The following CAMK2G variants were observed in gnomAD, a reference collection of about 807,000 sequenced individuals.
CAMK2G encodes the protein calcium/calmodulin dependent protein kinase II gamma.
CAMK2G carries 23 observed loss-of-function variants against 88.7 expected under a neutral mutation model. That is an observed-to-expected ratio of 0.26 (90% CI 0.19 to 0.37). The LOEUF (loss-of-function observed/expected upper bound fraction) is 0.37, where lower values mean the gene tolerates loss of function less well. Among genes scored for constraint, CAMK2G ranks in the 10% least tolerant of loss-of-function variants. The probability of loss-of-function intolerance (pLI) is 1.00; values close to 1 mark genes in which losing one functional copy is unlikely to be tolerated. For missense variants in CAMK2G, 476 were observed against 780.8 expected, an observed-to-expected ratio of 0.61 and a Z score of 4.65; for synonymous variants, 263 against 294.8, an observed-to-expected ratio of 0.89 and a Z score of 1.11.
At chr10:73,834,779 G>A (rs2093001266) in intron 14 of CAMK2G, among the ~76,000 whole-genome samples, 1 of 152,092 alleles carries the variant, frequency 6.6e-6, no homozygotes, top group South Asian at 2.1e-4. Context: ...TGGCTCCTTG[G>A]GCTAATCTTA....
At chr10:73,829,519 C>T (rs549513745) in intron 14 of CAMK2G, among the ~76,000 whole-genome samples, 7 of 151,994 alleles carry the variant, frequency 4.6e-5, no homozygotes, top group African/African-American at 1.7e-4. Context: ...AGGCTGGTCT[C>T]GAATTCCTGA....
chr10:73,848,928 G>A lies in CAMK2G; in HGVS notation c.517+85C>T, dbSNP rs531891055. On this transcript the variant is annotated intron_variant, in intron 7 of 22. Coordinates refer to ENST00000423381, the MANE Select transcript of CAMK2G (RefSeq NM_001367534.1). This position sits in a 1 kb window ranked among gnomAD's most constrained non-coding sequence, Gnocchi z 4.5. Reference sequence around the variant, plus strand: ...CGGAGGCCAGGACCATTAAGGGTCTGGCTTCTAGTTCTAATAGAGGAAGGC... The same window carrying A: ...CGGAGGCCAGGACCATTAAGGGTCTAGCTTCTAGTTCTAATAGAGGAAGGC... The A allele has an allele frequency of 3.0e-5, 27 of 892,774 alleles. No homozygotes were observed. The highest frequency in any genetic ancestry group is 5.2e-5 in the Non-Finnish European group (27 of 523,498). The allele number at this position is 892,774 out of a possible 1,614,324, so 55.3% of individuals were successfully genotyped here. A position where few individuals can be genotyped will look rare whatever the true frequency, so the allele number is the denominator to read the frequency against.
Position 73,841,880 on chromosome 10 carries a change from A to T in CAMK2G, c.946+289T>A, listed in dbSNP as rs1003997245. ...TGGCTAAAATCTGTAAAGTGCTGAGAGTCTTCAGAGAGTTAAATAAGAATC... is the reference window on the plus strand; with the variant it reads ...TGGCTAAAATCTGTAAAGTGCTGAGTGTCTTCAGAGAGTTAAATAAGAATC... On this transcript the variant is annotated intron_variant, in intron 12 of 22. Transcript: ENST00000423381. 3 of 407,144 alleles carry T rather than the reference A, an allele frequency of 7.4e-6. No individual in the cohort carries two copies. The South Asian group carries it at 8.9e-5, about 12-fold the overall frequency. The allele number at this position is 407,144 out of a possible 1,614,324, so 25.2% of individuals were successfully genotyped here.
At chr10:73,827,120 G>C (rs559274914) in intron 15 of CAMK2G, among the ~76,000 whole-genome samples, 1 of 152,232 alleles carries the variant, frequency 6.6e-6, no homozygotes, top group Non-Finnish European at 1.5e-5. Flanking sequence ...CCCTCACAGG[G>C]GGCAAGGACT....
chr10:73,852,833 A>G (rs2094729804), intron 4 of CAMK2G: 1 of 282,052 alleles, frequency 3.5e-6, no homozygotes, highest in South Asian at 5.7e-5. Flanking sequence ...CTGGTTTCCG[A>G]CTAATGAAAG....
chr10:73,848,428 G>A lies in CAMK2G; in HGVS notation c.601+98C>T, dbSNP rs531882727. 1.2e-4 allele frequency: 100 copies of A among 804,992 alleles called. No individual in the cohort carries two copies. The African/African-American group carries it at 1.5e-3, about 12-fold the overall frequency. 49.9% of individuals were successfully genotyped at this position (804,992 alleles called of 1,614,324 possible). ...CCATAATTTCACATACACCAGGCAC[G>A]TGTGTGACCTGCAAGGAATAGCGAT... is the stretch of plus-strand genomic sequence containing the variant. On this transcript the variant is annotated intron_variant, in intron 8 of 22. Transcript: ENST00000423381. This position sits in a 1 kb window ranked among gnomAD's most constrained non-coding sequence, Gnocchi z 4.5.
chr10:73,825,145 C>T (rs545130749), intron 16 of CAMK2G, 134 bp downstream of exon 16: 13 of 723,796 alleles, frequency 1.8e-5, no homozygotes, highest in East Asian at 2.5e-5. Context: ...CAGGGCGGCA[C>T]ACAAAGCAGT....
chr10:73,825,046 C>T (rs561286417), intron 16 of CAMK2G, among the ~76,000 whole-genome samples: 4 of 152,344 alleles, frequency 2.6e-5, no homozygotes, highest in South Asian at 2.1e-4. Context: ...CTCTTCCCCC[C>T]ACCAGCGAAA....
intron 22 of CAMK2G, chr10:73,814,764 A>T (rs2084886656): frequency 5.8e-6 from 3 of 519,196 alleles, no homozygotes; most frequent in Admixed American, 3.2e-5. Flanking sequence ...ACAGCTAAGG[A>T]AACAGTTTAG....
chr10:73,847,600 C>T (rs548601149), intron 9 of CAMK2G, among the ~76,000 whole-genome samples: 10 of 152,298 alleles, frequency 6.6e-5, no homozygotes, highest in Non-Finnish European at 1.3e-4. Context: ...CCAACATTCT[C>T]TGGTTTAAGC....
At position 73,872,947 on chromosome 10, in the gene CAMK2G, T is replaced by C. The variant is rs1373432564; in HGVS notation, c.160+42A>G. On this transcript the variant is annotated intron_variant, in intron 2 of 22. Transcript: ENST00000423381. ...CTTCCTCAAAAGAAACCATGGCCCC[T>C]GGAGGCACCCTCAGGAAGAGGTCAA... 3.8e-6 allele frequency: 5 copies of C among 1,305,756 alleles called. No homozygotes were observed. The African/African-American group carries it at 4.3e-5, about 11-fold the overall frequency. 80.9% of individuals were successfully genotyped at this position (1,305,756 alleles called of 1,614,324 possible). A position where few individuals can be genotyped will look rare whatever the true frequency, so the allele number is the denominator to read the frequency against.
chr10:73,847,914 C>G, intron 9 of CAMK2G, 74 bp downstream of exon 9: 2 of 877,136 alleles, frequency 2.3e-6, no homozygotes, highest in South Asian at 2.8e-5. Context: ...AACAAGCCTG[C>G]TCCCTTGGAC....
At position 73,848,717 on chromosome 10, in the gene CAMK2G, A is replaced by G. The variant is rs912578336; in HGVS notation, c.518-108T>C. Reference sequence around the variant, plus strand: ...ATCTTATTCCTGCTGCTTTTGCTACATAAACTCTCAGCACATGGGCAGCAA... The same window carrying G: ...ATCTTATTCCTGCTGCTTTTGCTACGTAAACTCTCAGCACATGGGCAGCAA... On this transcript the variant is annotated intron_variant, in intron 7 of 22. Coordinates refer to ENST00000423381, the MANE Select transcript of CAMK2G (RefSeq NM_001367534.1). The surrounding 1 kb of genome is among the most constrained non-coding windows in gnomAD (Gnocchi z 4.5). 1.1e-5 allele frequency: 8 copies of G among 700,206 alleles called. No individual in the cohort carries two copies. Among genetic ancestry groups the G allele is most frequent in the Admixed American group, 2.6e-5 (1 of 39,168 alleles). 43.4% of individuals were successfully genotyped at this position (700,206 alleles called of 1,614,324 possible). A position where few individuals can be genotyped will look rare whatever the true frequency, so the allele number is the denominator to read the frequency against.
intron 18 of CAMK2G, among the ~76,000 whole-genome samples, chr10:73,820,486 A>ATTTTT (rs1472342764): frequency 1.2e-4 from 6 of 51,880 alleles, no homozygotes; most frequent in African/African-American, 3.6e-4. Context: ...ATATATATAT[A>ATTTTT]TATATATTTT....
At chr10:73,817,216 G>A (rs1425556517) in intron 20 of CAMK2G, 99 bp from the exon 21 acceptor site, 3 of 1,493,432 alleles carry the variant, frequency 2.0e-6, no homozygotes, top group Non-Finnish European at 1.8e-6. Flanking sequence ...CAGGCTACCT[G>A]TGGCCATGCC....
At chr10:73,822,037 A>G (rs2089047068) in intron 17 of CAMK2G, among the ~76,000 whole-genome samples, 3 of 152,144 alleles carry the variant, frequency 2.0e-5, no homozygotes, top group Non-Finnish European at 2.9e-5. Context: ...TCTGCCTCCA[A>G]AGTAAACCCC....
chr10:73,842,444 G>A lies in CAMK2G; in HGVS notation c.903+14C>T. 1 of 1,597,424 alleles carries A rather than the reference G, an allele frequency of 6.3e-7. No individual in the cohort carries two copies. Among genetic ancestry groups the A allele is most frequent in the Non-Finnish European group, 8.6e-7 (1 of 1,164,740 alleles). ...TGATGTCAAGGAGGCTGGCAGCCTA[G>A]AAACGACACTCACCTTCAGTTTTCT... On this transcript the variant is annotated intron_variant, in intron 11 of 22. Coordinates refer to ENST00000423381, the MANE Select transcript of CAMK2G (RefSeq NM_001367534.1). The surrounding 1 kb of genome is among the most constrained non-coding windows in gnomAD (Gnocchi z 4.6).
At chr10:73,833,318 CT>C (rs1424469345) in intron 14 of CAMK2G, among the ~76,000 whole-genome samples, 4 of 152,078 alleles carry the variant, frequency 2.6e-5, no homozygotes, top group African/African-American at 9.7e-5. Context: ...CTGCTTTTAG[CT>C]TTTTCCTATT....
chr10:73,851,282 AAAG>A, intron 5 of CAMK2G, among the ~76,000 whole-genome samples: 2 of 152,206 alleles, frequency 1.3e-5, no homozygotes, highest in East Asian at 3.9e-4. Context: ...ACCCTCGAGA[AAAG>A]CAAGGCTGGG....
Sources: gnomAD v4.1 joint callset for allele counts (sites outside exome capture counted in the v4.1 genomes callset) on GRCh38, gnomAD v4.1.1 for gene constraint, Gnocchi (gnomAD v3.1) non-coding constraint, MANE v1.5 for transcripts, NCBI Gene and HGNC (gene_info 2026-07-23, HGNC 2026-07-21) for gene names.